SEMA3A: variants seen among roughly 807,000 people sequenced by gnomAD.
SEMA3A encodes the protein semaphorin 3A.
In SEMA3A, 29 loss-of-function variants were observed where a neutral mutation model predicts 97.9. That is an observed-to-expected ratio of 0.30 (90% CI 0.22 to 0.40). The LOEUF (loss-of-function observed/expected upper bound fraction) is 0.40. Among genes scored for constraint, SEMA3A ranks in the 10% least tolerant of loss-of-function variants. SEMA3A has a pLI of 1.00. For synonymous variants in SEMA3A, 321 were observed against 323.7 expected (o/e 0.99, Z 0.09); for missense variants, 763 against 951.3 (o/e 0.80, Z 2.60).
intron 1 of SEMA3A, among the ~76,000 whole-genome samples, chr7:84,136,960 A>AAGGAAGGAAGGAAGGAAGGAAGGAAG (rs1562805305): frequency 7.8e-5 from 11 of 141,208 alleles, no homozygotes; most frequent in East Asian, 6.4e-4. Flanking sequence ...GAGGGAGGGA[A>AAGGAAGGAAGGAAGGAAGGAAGGAAG]GAAGGAAGGA....
chr7:84,138,007 T>A (rs1429382640), intron 1 of SEMA3A, among the ~76,000 whole-genome samples: 4 of 134,310 alleles, frequency 3.0e-5, no homozygotes, highest in Admixed American at 7.0e-5. Flanking sequence ...GGATGAATAA[T>A]GTATCTTTTA....
intron 1 of SEMA3A, among the ~76,000 whole-genome samples, chr7:84,140,215 T>C (rs1441815872): frequency 1.3e-5 from 2 of 152,166 alleles, no homozygotes; most frequent in African/African-American, 2.4e-5. Flanking sequence ...ATGTTTCCTG[T>C]TGTGTTCTGA....
At chr7:83,969,638 T>C (rs1164286804) in intron 15 of SEMA3A, among the ~76,000 whole-genome samples, 1 of 152,132 alleles carries the variant, frequency 6.6e-6, no homozygotes, top group African/African-American at 2.4e-5. Context: ...AAAAAGAAAA[T>C]AGAGTTTATA....
At chr7:84,303,132 A>C (rs1363137118) in intron 3 of SEMA3A, among the ~76,000 whole-genome samples, 3 of 151,998 alleles carry the variant, frequency 2.0e-5, no homozygotes, top group Non-Finnish European at 4.4e-5. Flanking sequence ...TCCAATCCCC[A>C]CCCTCACTGG....
Position 83,961,420 on chromosome 7 carries a change from C to T in SEMA3A, c.2267G>A (p.Gly756Asp), listed in dbSNP as rs754608912. 1 of 1,614,086 alleles carries T rather than the reference C, an allele frequency of 6.2e-7. No individual in the cohort carries two copies. The highest frequency in any genetic ancestry group is 1.7e-5 in the Admixed American group (1 of 60,006). Residue 756 changes from glycine (G) to aspartate (D), a missense_variant, in exon 17 of 17, where the codon GGT (glycine) becomes GAT (aspartate). Around this residue, in one of 2 missense-constraint regions of SEMA3A, gnomAD observed 678 missense variants for 881.3 expected, o/e 0.77. Transcript: ENST00000265362. The part of the protein sequence containing the change: ...KWKHLQENKK[G>D]RNRRTHEFER... ...AAATTCGTGGGTCCTCCTGTTTCTA[C>T]CTTTCTTATTTTCTTGTAAGTGCTT...
At chr7:84,308,726 G>T (rs1255640448) in intron 2 of SEMA3A, among the ~76,000 whole-genome samples, 2 of 152,064 alleles carry the variant, frequency 1.3e-5, no homozygotes, top group Non-Finnish European at 2.9e-5. Flanking sequence ...AGGAGAAATG[G>T]TATTGATCAG....
intron 5 of SEMA3A, among the ~76,000 whole-genome samples, chr7:84,055,371 G>A (rs1259883707): frequency 6.6e-6 from 1 of 152,176 alleles, no homozygotes; most frequent in East Asian, 1.9e-4. Context: ...GTGGGCGTAG[G>A]ACCCTCCCAG....
chr7:84,250,374 T>G (rs1391522306), intron 3 of SEMA3A, among the ~76,000 whole-genome samples: 1 of 152,174 alleles, frequency 6.6e-6, no homozygotes, highest in African/African-American at 2.4e-5. Context: ...CCTTTGTGGC[T>G]ACTGTGCAAG....
intron 3 of SEMA3A, among the ~76,000 whole-genome samples, chr7:84,210,941 G>C (rs959753768): frequency 6.6e-5 from 10 of 152,010 alleles, no homozygotes; most frequent in Admixed American, 5.9e-4. Context: ...GTTATGGCTA[G>C]ATATTTTTAC....
intron 15 of SEMA3A, among the ~76,000 whole-genome samples, chr7:83,967,670 G>A (rs961909477): frequency 2.6e-5 from 4 of 152,088 alleles, no homozygotes; most frequent in East Asian, 1.9e-4. Flanking sequence ...CAGGAGAAGC[G>A]CTTGAATCTG....
chr7:84,476,599 T>A (rs1806288260), intron 1 of SEMA3A, among the ~76,000 whole-genome samples: 1 of 152,108 alleles, frequency 6.6e-6, no homozygotes. Flanking sequence ...CTATCATTTG[T>A]AAATACTGAA....
At chr7:84,444,392 A>C (rs991093319) in intron 1 of SEMA3A, among the ~76,000 whole-genome samples, 1 of 152,116 alleles carries the variant, frequency 6.6e-6, no homozygotes, top group Non-Finnish European at 1.5e-5. Context: ...AGTCAAAAAC[A>C]AGTGAGAAGT....
chr7:84,194,340 A>G, intron 1 of SEMA3A, 135 bp downstream of exon 1: 2 of 631,276 alleles, frequency 3.2e-6, no homozygotes, highest in South Asian at 3.8e-5. Context: ...GCATCTCAGA[A>G]AGATACACAT....
chr7:84,214,538 T>A (rs962395620), intron 3 of SEMA3A, among the ~76,000 whole-genome samples: 1 of 152,124 alleles, frequency 6.6e-6, no homozygotes, highest in Non-Finnish European at 1.5e-5. Context: ...AACAGTTGAA[T>A]TATATACAAT....
intron 4 of SEMA3A, among the ~76,000 whole-genome samples, chr7:84,104,120 C>T (rs188678581): frequency 2.6e-5 from 4 of 151,968 alleles, no homozygotes; most frequent in African/African-American, 4.8e-5. Flanking sequence ...TAACTGTATA[C>T]GATGTAGTCC....
At chr7:84,330,554 A>C (rs1409871364) in intron 2 of SEMA3A, among the ~76,000 whole-genome samples, 1 of 152,192 alleles carries the variant, frequency 6.6e-6, no homozygotes, top group East Asian at 1.9e-4. Flanking sequence ...GTAGGAAGGC[A>C]CATGTACATT....
At chr7:84,205,983 G>A (rs1397431569) in intron 3 of SEMA3A, among the ~76,000 whole-genome samples, 1 of 152,126 alleles carries the variant, frequency 6.6e-6, no homozygotes, top group African/African-American at 2.4e-5. Context: ...TAAAACTAGA[G>A]TGCCAGGATG....
At chr7:84,455,934 G>A (rs1267779207) in intron 1 of SEMA3A, among the ~76,000 whole-genome samples, 1 of 151,920 alleles carries the variant, frequency 6.6e-6, no homozygotes, top group East Asian at 1.9e-4. Flanking sequence ...GAAATAGCTT[G>A]TGAGACAGCT....
At chr7:84,225,451 T>C (rs1399247259) in intron 3 of SEMA3A, among the ~76,000 whole-genome samples, 2 of 152,072 alleles carry the variant, frequency 1.3e-5, no homozygotes, top group Admixed American at 6.6e-5. Context: ...GCGTGACCCA[T>C]ACGAAAGTAA....
Sources: gnomAD v4.1 joint callset for allele counts (sites outside exome capture counted in the v4.1 genomes callset) on GRCh38, gnomAD v4.1.1 for gene constraint, gnomAD v4.1.1 regional missense constraint, MANE v1.5 for transcripts, NCBI Gene and HGNC (gene_info 2026-07-23, HGNC 2026-07-21) for gene names.